Variants in DSCAM observed in about 807,000 individuals in gnomAD.
The protein encoded by DSCAM is cell adhesion molecule DSCAM.
In DSCAM, 47 loss-of-function variants were observed where a neutral mutation model predicts 217.7. That is an observed-to-expected ratio of 0.22 (90% CI 0.17 to 0.28). The LOEUF is 0.28. DSCAM is among the 10% of genes least tolerant of loss of function. The probability of loss-of-function intolerance (pLI) is 1.00; values close to 1 mark genes in which losing one functional copy is unlikely to be tolerated. For missense variants in DSCAM, 2,080 were observed against 2,618.3 expected, an observed-to-expected ratio of 0.79 and a Z score of 4.49; for synonymous variants, 1,056 against 1,015.3, an observed-to-expected ratio of 1.04 and a Z score of -0.76.
chr21:40,686,808 T>C (rs1037896376), intron 3 of DSCAM, among the ~76,000 whole-genome samples: 1 of 152,082 alleles, frequency 6.6e-6, no homozygotes, highest in African/African-American at 2.4e-5. Flanking sequence ...ACACAGGGGC[T>C]CTCCAGAGCT....
At chr21:40,510,041 T>C (rs1450433674) in intron 3 of DSCAM, among the ~76,000 whole-genome samples, 2 of 152,072 alleles carry the variant, frequency 1.3e-5, no homozygotes, top group African/African-American at 4.8e-5. Context: ...GGAGAATCAC[T>C]TGAACCCAGG....
At chr21:40,831,319 A>G (rs2092010531) in intron 1 of DSCAM, among the ~76,000 whole-genome samples, 1 of 149,426 alleles carries the variant, frequency 6.7e-6, no homozygotes, top group African/African-American at 2.5e-5. Flanking sequence ...ACACACACAC[A>G]GGCACACACA....
intron 10 of DSCAM, 111 bp downstream of exon 10, chr21:40,295,944 G>A: frequency 7.6e-7 from 1 of 1,312,502 alleles, no homozygotes; most frequent in Non-Finnish European, 1.0e-6. Flanking sequence ...TGGAAACAGA[G>A]ATACGTATCT....
intron 1 of DSCAM, among the ~76,000 whole-genome samples, chr21:40,731,723 A>G (rs1472460570): frequency 1.6e-5 from 2 of 124,592 alleles, no homozygotes; most frequent in Non-Finnish European, 3.4e-5. Context: ...CCTCCTTCCC[A>G]CTGCACCCCC....
At chr21:40,348,305 C>T (rs11909710) in intron 5 of DSCAM, among the ~76,000 whole-genome samples, 8,795 of 100,316 alleles carry the variant, frequency 0.088, no homozygotes, top group Admixed American at 0.11. Context: ...TTCCTATCAG[C>T]CACATTATTG....
chr21:40,594,431 T>C (rs2077006376), intron 3 of DSCAM, among the ~76,000 whole-genome samples: 1 of 152,230 alleles, frequency 6.6e-6, no homozygotes, highest in African/African-American at 2.4e-5. Flanking sequence ...TTCAGGAATA[T>C]GACCTTGGGC....
chr21:40,046,034 C>T (rs1167664360), intron 30 of DSCAM, among the ~76,000 whole-genome samples: 1 of 152,160 alleles, frequency 6.6e-6, no homozygotes, highest in Non-Finnish European at 1.5e-5. Flanking sequence ...ATAACCCAAA[C>T]CTTCTGCCTT....
chr21:40,253,813 T>A (rs999671055), intron 11 of DSCAM, among the ~76,000 whole-genome samples: 2 of 152,270 alleles, frequency 1.3e-5, no homozygotes, highest in Non-Finnish European at 2.9e-5. Flanking sequence ...TCTTGCCACA[T>A]GTACCTGTGC....
At chr21:40,364,812 A>G (rs1238550101) in intron 4 of DSCAM, among the ~76,000 whole-genome samples, 1 of 148,558 alleles carries the variant, frequency 6.7e-6, no homozygotes, top group Non-Finnish European at 1.5e-5. Context: ...ACTAAGGCAC[A>G]TCTGTTCTCT....
At chr21:40,761,918 C>A (rs1180605473) in intron 1 of DSCAM, among the ~76,000 whole-genome samples, 2 of 152,032 alleles carry the variant, frequency 1.3e-5, no homozygotes, top group African/African-American at 2.4e-5. Context: ...CCCATGAGAA[C>A]AAAGATACAG....
intron 6 of DSCAM, among the ~76,000 whole-genome samples, 195 bp downstream of exon 6, chr21:40,347,475 A>T (rs2074571370): frequency 6.6e-6 from 1 of 152,160 alleles, no homozygotes; most frequent in Non-Finnish European, 1.5e-5. Context: ...TTCTAATATG[A>T]AACAATTTTA....
chr21:40,355,454 C>T (rs62223798), intron 4 of DSCAM, among the ~76,000 whole-genome samples: 4,123 of 152,252 alleles, frequency 0.027, 71 homozygotes, highest in Middle Eastern at 0.044. Context: ...GTGGAAACCA[C>T]GCAGCTCAAT....
At chr21:40,386,638 T>A (rs950014225) in intron 3 of DSCAM, among the ~76,000 whole-genome samples, 9 of 152,230 alleles carry the variant, frequency 5.9e-5, no homozygotes, top group Non-Finnish European at 1.3e-4. Flanking sequence ...ACTTCCTCGT[T>A]AATAACACAT....
At chr21:40,119,441 C>T (rs769539031) in intron 20 of DSCAM, among the ~76,000 whole-genome samples, 2 of 151,994 alleles carry the variant, frequency 1.3e-5, no homozygotes, top group African/African-American at 2.4e-5. Flanking sequence ...TTCCTGAGTA[C>T]GCAGATGGTG....
chr21:40,662,685 A>T (rs968211717), intron 3 of DSCAM, among the ~76,000 whole-genome samples: 1 of 152,108 alleles, frequency 6.6e-6, no homozygotes, highest in Non-Finnish European at 1.5e-5. Context: ...GGCAGAATGG[A>T]ATCAGTGCCC....
chr21:40,390,825 T>C (rs1370991278), intron 3 of DSCAM, among the ~76,000 whole-genome samples: 7 of 152,242 alleles, frequency 4.6e-5, no homozygotes, highest in African/African-American at 1.7e-4. Flanking sequence ...TAACTACTTA[T>C]ATCTTCAATG....
chr21:40,558,801 T>C (rs971415410), intron 3 of DSCAM, among the ~76,000 whole-genome samples: 6 of 152,236 alleles, frequency 3.9e-5, no homozygotes, highest in Non-Finnish European at 8.8e-5. Context: ...TCGTTATTTT[T>C]ATCACCACTG....
At chr21:40,650,507 C>T (rs2089999519) in intron 3 of DSCAM, among the ~76,000 whole-genome samples, 1 of 152,206 alleles carries the variant, frequency 6.6e-6, no homozygotes, top group South Asian at 2.1e-4. Flanking sequence ...TTGTCTTCAG[C>T]CACGTGGGCT....
At chr21:40,561,871 C>T (rs2076722980) in intron 3 of DSCAM, among the ~76,000 whole-genome samples, 1 of 152,152 alleles carries the variant, frequency 6.6e-6, no homozygotes, top group African/African-American at 2.4e-5. Context: ...GATTTGGGGG[C>T]CCTTTGTATA....
Sources: gnomAD v4.1 joint callset for allele counts (sites outside exome capture counted in the v4.1 genomes callset) on GRCh38, gnomAD v4.1.1 for gene constraint, MANE v1.5 for transcripts, NCBI Gene and HGNC (gene_info 2026-07-23, HGNC 2026-07-21) for gene names.